Variants in SLC25A13 observed in about 807,000 individuals in gnomAD.
SLC25A13 encodes the protein electrogenic aspartate/glutamate antiporter SLC25A13, mitochondrial.
In SLC25A13, 70 loss-of-function variants were observed where a neutral mutation model predicts 85.5. The ratio of observed to expected loss-of-function variants is 0.82; its 90% confidence interval spans 0.68 to 1.00. The LOEUF (loss-of-function observed/expected upper bound fraction) is 1.00, where lower values mean the gene tolerates loss of function less well. Among genes scored for constraint, SLC25A13 ranks in the 50% least tolerant of loss-of-function variants. The pLI, the probability that SLC25A13 is intolerant of heterozygous loss-of-function variation, is 0.00. For missense variants in SLC25A13, 765 were observed against 819.8 expected (o/e 0.93, Z 0.82); for synonymous variants, 259 against 288.7 (o/e 0.90, Z 1.04).
chr7:96,135,214 A>G (rs903025113), intron 14 of SLC25A13, among the ~76,000 whole-genome samples: 2 of 152,214 alleles, frequency 1.3e-5, no homozygotes, highest in African/African-American at 4.8e-5. Context: ...ATTAAAGGAC[A>G]CAAATGTGTT....
chr7:96,208,964 T>A lies in SLC25A13; in HGVS notation c.342A>T (p.Gln114His). 1 of 1,614,104 alleles carries A rather than the reference T, an allele frequency of 6.2e-7. No individual in the cohort carries two copies. Among genetic ancestry groups the A allele is most frequent in the Non-Finnish European group, 8.5e-7 (1 of 1,180,000 alleles). ...KGEVTFEDVK[Q>H]VFGQTTIHQH... Reference sequence around the variant, plus strand: ...GATGAATTGTGGTCTGTCCAAAAACTTGCTTAACATCCTCTGAAAAGAGAA... The same window carrying A: ...GATGAATTGTGGTCTGTCCAAAAACATGCTTAACATCCTCTGAAAAGAGAA... Residue 114 changes from glutamine (Q) to histidine (H), a missense_variant, in exon 5 of 18, where the codon CAA becomes CAT. Physicochemically the swap from Gln to His is conservative, Grantham distance 24. Transcript: ENST00000265631.
In SLC25A13 at chr7:96,146,557, T is replaced by C. The variant is rs367988218; in HGVS notation, c.1451A>G (p.Lys484Arg). 29 of 1,612,736 alleles carry C rather than the reference T, an allele frequency of 1.8e-5. No individual in the cohort carries two copies. In the African/African-American group the frequency reaches 3.3e-4, roughly 19 times the overall value. The change falls in exon 14 of 18, where the codon AAG (lysine) becomes AGG (arginine). Residue 484 changes from lysine (K) to arginine (R), a missense_variant and splice_region_variant. Coordinates refer to ENST00000265631, the MANE Select transcript of SLC25A13 (RefSeq NM_014251.3). ...TGACTAAAAAAAAAAAAAAGTTACCTTGTAGATCCCAAAAAACCCCAGGTC... is the reference window on the plus strand; with the variant it reads ...TGACTAAAAAAAAAAAAAAGTTACCCTGTAGATCCCAAAAAACCCCAGGTC... The part of the protein sequence containing the change: ...VRDLGFFGIY[K>R]GAKACFLRDI...
intron 1 of SLC25A13, chr7:96,306,915 G>C: frequency 9.8e-7 from 1 of 1,019,118 alleles, no homozygotes; most frequent in Non-Finnish European, 1.5e-6. Flanking sequence ...CTTCACTTGT[G>C]TGCCTGGAGC....
At chr7:96,171,113 T>C (rs138373474) in intron 12 of SLC25A13, among the ~76,000 whole-genome samples, 14 of 152,348 alleles carry the variant, frequency 9.2e-5, no homozygotes, top group African/African-American at 3.1e-4. Context: ...TTAAGCCCGA[T>C]AGGCCTCAGT....
At chr7:96,318,603 T>C (rs1397771413) in intron 1 of SLC25A13, among the ~76,000 whole-genome samples, 5 of 152,172 alleles carry the variant, frequency 3.3e-5, no homozygotes, top group African/African-American at 9.7e-5. Flanking sequence ...GTAATCTTCA[T>C]AGCAAAATTC....
Position 96,257,178 on chromosome 7 carries a change from C to T in SLC25A13, c.212+20018G>A, listed in dbSNP as rs1041270543. On this transcript the variant is annotated intron_variant, in intron 3 of 17. Coordinates refer to ENST00000265631, the MANE Select transcript of SLC25A13 (RefSeq NM_014251.3). ...CTAGAGAAGCAAGAGCAAACACATT[C>T]GAAAGCTAGCAGAAGACAAGAAATA... 3.9e-5 allele frequency among the ~76,000 whole-genome samples: 6 copies of T among 152,122 alleles called. No homozygotes were observed. In the South Asian group the frequency reaches 8.3e-4, roughly 21 times the overall value.
chr7:96,152,459 T>C (rs1033994108), intron 13 of SLC25A13, among the ~76,000 whole-genome samples: 5 of 152,006 alleles, frequency 3.3e-5, no homozygotes, highest in African/African-American at 1.2e-4. Flanking sequence ...TGAATAGAGG[T>C]GGCTGGGTAA....
intron 2 of SLC25A13, among the ~76,000 whole-genome samples, chr7:96,296,489 T>C (rs1052241356): frequency 1.3e-5 from 2 of 151,988 alleles, no homozygotes; most frequent in African/African-American, 4.8e-5. Flanking sequence ...TTTCTTTTTT[T>C]TTTTTTTTCT....
At chr7:96,131,680 G>T (rs1792034722) in intron 15 of SLC25A13, 63 bp downstream of exon 15, 19 of 1,608,494 alleles carry the variant, frequency 1.2e-5, no homozygotes, top group Non-Finnish European at 1.5e-5. Context: ...GTAGTAGCAT[G>T]CAGCTAGGGA....
intron 1 of SLC25A13, among the ~76,000 whole-genome samples, chr7:96,311,681 G>C (rs1799956717): frequency 6.6e-6 from 1 of 152,034 alleles, no homozygotes; most frequent in African/African-American, 2.4e-5. Flanking sequence ...TTCCTACAGG[G>C]ACTTCAAGAA....
At chr7:96,274,215 T>A (rs899373205) in intron 3 of SLC25A13, among the ~76,000 whole-genome samples, 32 of 151,512 alleles carry the variant, frequency 2.1e-4, no homozygotes, top group African/African-American at 6.1e-4. Context: ...AAAAAAAAAA[T>A]GGTATCTCAT....
intron 6 of SLC25A13, among the ~76,000 whole-genome samples, chr7:96,192,301 T>C (rs984394198): frequency 6.6e-6 from 1 of 152,194 alleles, no homozygotes; most frequent in East Asian, 1.9e-4. Context: ...CCACGGGCTA[T>C]TGGTCCTAAA....
chr7:96,315,032 G>A lies in SLC25A13; in HGVS notation c.15+6910C>T, dbSNP rs546620565. On this transcript the variant is annotated intron_variant, in intron 1 of 17. Coordinates refer to ENST00000265631, the MANE Select transcript of SLC25A13 (RefSeq NM_014251.3). ...CCTTCTCTGATCACAAAAAACCACT[G>A]AGACTCTGCAGGAGACAAATGGAGC... Among the ~76,000 whole-genome samples the A allele has an allele frequency of 2.6e-5, 4 of 152,140 alleles. No individual in the cohort carries two copies. In the South Asian group the frequency reaches 8.3e-4, roughly 32 times the overall value.
rs1342150344 is a variant in SLC25A13 at position 96,321,934 on chromosome 7, G to A, written c.15+8C>T. On this transcript the variant is annotated splice_region_variant and intron_variant, in intron 1 of 17. Transcript: ENST00000265631. Reference sequence around the variant, plus strand: ...GCGCGCTCCCCCCGGCCTCGGGCCCGCGGTTACCTTGGCGGCCGCCATGAT... The same window carrying A: ...GCGCGCTCCCCCCGGCCTCGGGCCCACGGTTACCTTGGCGGCCGCCATGAT... 6.5e-7 allele frequency: 1 copy of A among 1,536,026 alleles called. No homozygotes were observed. The highest frequency in any genetic ancestry group is 8.7e-7 in the Non-Finnish European group (1 of 1,144,232).
At chr7:96,292,069 T>C (rs1799146503) in intron 2 of SLC25A13, among the ~76,000 whole-genome samples, 1 of 152,116 alleles carries the variant, frequency 6.6e-6, no homozygotes, top group African/African-American at 2.4e-5. Context: ...CACATCAAAA[T>C]GCTTATCCAC....
intron 9 of SLC25A13, among the ~76,000 whole-genome samples, chr7:96,188,320 T>G (rs1057319590): frequency 6.6e-6 from 1 of 152,178 alleles, no homozygotes; most frequent in South Asian, 2.1e-4. Flanking sequence ...ACACACCCAC[T>G]ACTTTGACTT....
In SLC25A13 at chr7:96,121,987, T is replaced by C. The variant is rs2116384769; in HGVS notation, c.1602A>G (p.Ala534=). The C allele has an allele frequency of 6.2e-7, 1 of 1,614,190 alleles. No homozygotes were observed. The highest frequency in any genetic ancestry group is 8.5e-7 in the Non-Finnish European group (1 of 1,180,034). Residue 534 remains alanine, a synonymous_variant, in exon 16 of 18, where the codon GCA becomes GCG. Coordinates refer to ENST00000265631, the MANE Select transcript of SLC25A13 (RefSeq NM_014251.3). Reference sequence around the variant, plus strand: ...CATCAGCAGGGGTCACTAAAGATGCTGCAGGCATACCTGCAGGAGAGACAC... The same window carrying C: ...CATCAGCAGGGGTCACTAAAGATGCCGCAGGCATACCTGCAGGAGAGACAC... The part of the protein sequence containing the change: ...LLAGAIAGMP[A]ASLVTPADVI...
rs79853280 is a variant in SLC25A13, at chr7:96,244,139, G to A, written c.213-9222C>T. 3.3e-3 allele frequency among the ~76,000 whole-genome samples: 499 copies of A among 152,180 alleles called. 2 individuals are homozygous for A. The highest frequency in any genetic ancestry group is 0.012 in the African/African-American group (479 of 41,512). ...TAAGGCTTAATTACGTGGGGTCTGGGGGGGTCCTGTCCTGGAAGTCACAGC... is the reference window on the plus strand; with the variant it reads ...TAAGGCTTAATTACGTGGGGTCTGGAGGGGTCCTGTCCTGGAAGTCACAGC... On this transcript the variant is annotated intron_variant, in intron 3 of 17. Coordinates refer to ENST00000265631, the MANE Select transcript of SLC25A13 (RefSeq NM_014251.3).
At chr7:96,292,408 T>C (rs895944613) in intron 2 of SLC25A13, among the ~76,000 whole-genome samples, 24 of 152,100 alleles carry the variant, frequency 1.6e-4, no homozygotes, top group Non-Finnish European at 2.9e-4. Flanking sequence ...CTATTTAACA[T>C]AGTGTTGGAA....
Sources: allele counts gnomAD v4.1 joint callset (sites outside exome capture counted in the v4.1 genomes callset), GRCh38; gene constraint gnomAD v4.1.1; transcripts MANE v1.5; gene names NCBI Gene and HGNC (gene_info 2026-07-23, HGNC 2026-07-21).